Variants in PSMB2 observed in about 807,000 individuals in gnomAD.
PSMB2 encodes proteasome 20S subunit beta 2, also known as proteasome subunit beta type-2.
Under a neutral mutation model 25.7 loss-of-function variants are expected in PSMB2, and 13 were observed. The observed-to-expected ratio is 0.51, with a 90% CI of 0.33 to 0.80. The LOEUF is 0.80. Among genes scored for constraint, PSMB2 ranks in the 30% least tolerant of loss-of-function variants. PSMB2 has a pLI of 0.02. For missense variants in PSMB2, 202 were observed against 259.0 expected (o/e 0.78, Z 1.51); for synonymous variants, 87 against 96.2 (o/e 0.90, Z 0.56).
chr1:35,623,134 A>G (rs915542178), intron 3 of PSMB2, among the ~76,000 whole-genome samples: 3 of 152,250 alleles, frequency 2.0e-5, no homozygotes, highest in Non-Finnish European at 2.9e-5. Flanking sequence ...TAAAAACAGA[A>G]CAGCGGTATC....
intron 3 of PSMB2, among the ~76,000 whole-genome samples, chr1:35,624,779 A>C (rs1650801325): frequency 2.7e-5 from 4 of 148,004 alleles, no homozygotes; most frequent in East Asian, 4.3e-4. Context: ...AAAACAAAAA[A>C]ACGCCAGGCA....
Position 35,602,912 on chromosome 1 carries a change from C to T in PSMB2, c.*355G>A, listed in dbSNP as rs766488172. The T allele has an allele frequency of 4.0e-6, 4 of 1,000,806 alleles. No homozygotes were observed. Among genetic ancestry groups the T allele is most frequent in the Non-Finnish European group, 4.8e-6 (4 of 838,098 alleles). The allele number at this position is 1,000,806 out of a possible 1,614,324, so 62.0% of individuals were successfully genotyped here. A position where few individuals can be genotyped will look rare whatever the true frequency, so the allele number is the denominator to read the frequency against. On this transcript the variant is annotated 3_prime_UTR_variant, in exon 6 of 6. Coordinates refer to ENST00000373237, the MANE Select transcript of PSMB2 (RefSeq NM_002794.5). ...ATTTAAGTTTAAGGGCAAAAAGAACCACTACTTTAGAGAGAATGGAGATAC... is the reference window on the plus strand; with the variant it reads ...ATTTAAGTTTAAGGGCAAAAAGAACTACTACTTTAGAGAGAATGGAGATAC...
intron 4 of PSMB2, among the ~76,000 whole-genome samples, chr1:35,607,262 GA>G (rs752214760): frequency 4.6e-5 from 7 of 152,258 alleles, no homozygotes; most frequent in Non-Finnish European, 8.8e-5. Flanking sequence ...CAGAATGGGA[GA>G]AAATACATGC....
intron 3 of PSMB2, among the ~76,000 whole-genome samples, chr1:35,625,256 A>T (rs897331562): frequency 6.6e-6 from 1 of 152,184 alleles, no homozygotes; most frequent in Admixed American, 6.5e-5. Context: ...CTTCGGAAAA[A>T]GTTCTAATGA....
intron 3 of PSMB2, among the ~76,000 whole-genome samples, chr1:35,614,912 G>GT (rs1650450120): frequency 6.6e-6 from 1 of 152,150 alleles, no homozygotes; most frequent in Non-Finnish European, 1.5e-5. Flanking sequence ...CCTTTAATGA[G>GT]TACATGAGTT....
chr1:35,635,237 C>A (rs769637147), intron 2 of PSMB2, among the ~76,000 whole-genome samples: 120 of 147,170 alleles, frequency 8.2e-4, no homozygotes, highest in African/African-American at 2.9e-3. Context: ...CCAGCCTGGA[C>A]AACAAGAGTG....
intron 3 of PSMB2, among the ~76,000 whole-genome samples, chr1:35,627,611 T>C (rs549187860): frequency 3.9e-4 from 60 of 152,120 alleles, no homozygotes; most frequent in African/African-American, 1.3e-3. Context: ...GTCATACCAC[T>C]GCACTCCAGC....
chr1:35,628,625 A>ATT (rs1293637771), intron 3 of PSMB2, among the ~76,000 whole-genome samples: 1 of 44,020 alleles, frequency 2.3e-5, no homozygotes, highest in African/African-American at 1.0e-4. Flanking sequence ...ATATATATAT[A>ATT]TATATATTTT....
intron 1 of PSMB2, among the ~76,000 whole-genome samples, chr1:35,637,702 T>C (rs2148579487): frequency 6.6e-6 from 1 of 152,224 alleles, no homozygotes; most frequent in Non-Finnish European, 1.5e-5. Context: ...ACCAGTAATA[T>C]GGCTTCTTAG....
intron 1 of PSMB2, among the ~76,000 whole-genome samples, chr1:35,637,722 G>GA (rs1651285103): frequency 6.6e-6 from 1 of 152,074 alleles, no homozygotes; most frequent in South Asian, 2.1e-4. Context: ...GACTTGGAGG[G>GA]AAAAAACACA....
chr1:35,614,561 C>T (rs1055141794), intron 3 of PSMB2, among the ~76,000 whole-genome samples: 3 of 152,184 alleles, frequency 2.0e-5, no homozygotes, highest in African/African-American at 7.2e-5. Context: ...CTGCAACATA[C>T]AAGACTAGGC....
chr1:35,608,747 C>A (rs968460624), intron 4 of PSMB2, among the ~76,000 whole-genome samples: 8 of 152,148 alleles, frequency 5.3e-5, no homozygotes. Context: ...AGGGAAGGCT[C>A]AGATTTGTAG....
At chr1:35,616,793 A>C (rs992653719) in intron 3 of PSMB2, among the ~76,000 whole-genome samples, 43 of 152,306 alleles carry the variant, frequency 2.8e-4, no homozygotes, top group African/African-American at 1.0e-3. Flanking sequence ...GCCATAACTA[A>C]AAAAATTCAC....
chr1:35,603,585 G>T lies in PSMB2; in HGVS notation c.499-211C>A, dbSNP rs186881046. ...TGGAGGATGACTGGGAGGCAGGGAG[G>T]CTGAACTGGGAGGTGCAACTAAGAG... On this transcript the variant is annotated intron_variant, in intron 5 of 5. Coordinates refer to ENST00000373237, the MANE Select transcript of PSMB2 (RefSeq NM_002794.5). Among the ~76,000 whole-genome samples, 13 of 152,310 alleles carry T rather than the reference G, an allele frequency of 8.5e-5. No individual in the cohort carries two copies. In the East Asian group the frequency reaches 1.7e-3, roughly 20 times the overall value.
chr1:35,636,429 T>C lies in PSMB2; in HGVS notation c.95A>G (p.His32Arg). 2 of 1,613,602 alleles carry C rather than the reference T, an allele frequency of 1.2e-6. No individual in the cohort carries two copies. Among genetic ancestry groups the C allele is most frequent in the Non-Finnish European group, 1.7e-6 (2 of 1,179,760 alleles). ...TTCACTCATCTTAAACATCTTGTCA[T>C]GATCTGCTCAAAGAAGAAAACTGTG... The part of the protein sequence containing the change: ...ASNIVQMKDD[H>R]DKMFKMSEKI... The change falls in exon 2 of 6, where the codon CAT becomes CGT. Residue 32 changes from histidine to arginine, a missense_variant. By Grantham distance (29) the His-to-Arg change is conservative. Transcript: ENST00000373237.
chr1:35,622,489 C>T (rs748636898), intron 3 of PSMB2, among the ~76,000 whole-genome samples: 17 of 152,248 alleles, frequency 1.1e-4, no homozygotes, highest in African/African-American at 2.6e-4. Flanking sequence ...TTTTAAGACA[C>T]GAGTTTTAAA....
rs950555052 is a variant in PSMB2 at position 35,603,195 on chromosome 1, G to T, written c.*72C>A. ...TTAACCATTTATCAAGAGTGCGCCT[G>T]AAAAGAGTAGAAAAAAATAAAGGAG... On this transcript the variant is annotated 3_prime_UTR_variant, in exon 6 of 6. Coordinates refer to ENST00000373237, the MANE Select transcript of PSMB2 (RefSeq NM_002794.5). The T allele has an allele frequency of 2.6e-6, 4 of 1,565,172 alleles. No homozygotes were observed. Among genetic ancestry groups the T allele is most frequent in the Non-Finnish European group, 2.6e-6 (3 of 1,161,446 alleles).
intron 3 of PSMB2, among the ~76,000 whole-genome samples, chr1:35,612,063 C>T (rs1650359493): frequency 6.6e-6 from 1 of 152,192 alleles, no homozygotes; most frequent in Non-Finnish European, 1.5e-5. Flanking sequence ...CAGAGTAGTC[C>T]TCACCTCCAA....
rs1224533023 is a variant in PSMB2 at position 35,641,309 on chromosome 1, A to AG, written c.91+32dup. The AG allele has an allele frequency of 2.5e-6, 4 of 1,613,574 alleles. No individual in the cohort carries two copies. In the Admixed American group the frequency reaches 6.7e-5, roughly 27 times the overall value. ...CTCCTTCTGGCCGCTCCTACACCCC[A>AG]GGCCTGGCCGGGCCTCCCCTGCTTC... On this transcript the variant is annotated intron_variant, in intron 1 of 5. Coordinates refer to ENST00000373237, the MANE Select transcript of PSMB2 (RefSeq NM_002794.5).
Sources: allele counts gnomAD v4.1 joint callset (sites outside exome capture counted in the v4.1 genomes callset), GRCh38; gene constraint gnomAD v4.1.1; transcripts MANE v1.5; gene names NCBI Gene and HGNC (gene_info 2026-07-23, HGNC 2026-07-21).